Variants in TBL1X observed in about 807,000 individuals in gnomAD.
The protein encoded by TBL1X is F-box-like/WD repeat-containing protein TBL1X.
A neutral mutation model predicts 50.7 loss-of-function variants in TBL1X; 10 were observed. The observed-to-expected ratio is 0.20, with a 90% CI of 0.12 to 0.33. The LOEUF is 0.33. TBL1X is among the 10% of genes least tolerant of loss of function. TBL1X has a pLI of 1.00. For missense variants in TBL1X, 340 were observed against 504.4 expected, an observed-to-expected ratio of 0.67 and a Z score of 3.12; for synonymous variants, 190 against 214.7, an observed-to-expected ratio of 0.88 and a Z score of 1.01.
chrX:9,538,995 A>T (rs1436005033), intron 2 of TBL1X, among the ~76,000 whole-genome samples: 2 of 112,438 alleles, frequency 1.8e-5, no homozygotes, highest in African/African-American at 6.5e-5. Context: ...CACTCAGATA[A>T]CAGGACGGTT....
At chrX:9,562,166 A>G (rs1458192620) in intron 2 of TBL1X, among the ~76,000 whole-genome samples, 2 of 112,219 alleles carry the variant, frequency 1.8e-5, no homozygotes, top group African/African-American at 6.5e-5. Context: ...GATTATCTTC[A>G]TAAAGTTCAG....
intron 2 of TBL1X, among the ~76,000 whole-genome samples, chrX:9,513,327 C>T (rs2082066047): frequency 9.0e-6 from 1 of 110,792 alleles, no homozygotes; most frequent in South Asian, 3.9e-4. Flanking sequence ...AGCAGAAATT[C>T]CCCTCACGAG....
intron 5 of TBL1X, among the ~76,000 whole-genome samples, chrX:9,662,786 A>G (rs892806230): frequency 4.5e-5 from 5 of 111,445 alleles, no homozygotes; most frequent in Admixed American, 3.8e-4. Flanking sequence ...ACCCTGTCTC[A>G]ATAACAAAAA....
At chrX:9,593,904 A>G (rs2082515013) in intron 2 of TBL1X, among the ~76,000 whole-genome samples, 1 of 111,352 alleles carries the variant, frequency 9.0e-6, no homozygotes, top group South Asian at 3.8e-4. Context: ...CCTCCACTGC[A>G]AGGGGGAGAA....
chrX:9,554,129 C>T (rs1001090326), intron 2 of TBL1X, among the ~76,000 whole-genome samples: 1 of 112,448 alleles, frequency 8.9e-6, no homozygotes, highest in Non-Finnish European at 1.9e-5. Flanking sequence ...GATCCAGATG[C>T]CTTGGCCTCC....
At chrX:9,578,293 T>G (rs2082422957) in intron 2 of TBL1X, among the ~76,000 whole-genome samples, 2 of 111,305 alleles carry the variant, frequency 1.8e-5, no homozygotes, top group South Asian at 7.6e-4. Context: ...TGGAGTGCAG[T>G]GGCGCAATCA....
intron 2 of TBL1X, among the ~76,000 whole-genome samples, 156 bp downstream of exon 2, chrX:9,502,005 A>G (rs1215043399): frequency 8.9e-6 from 1 of 112,126 alleles, no homozygotes. Flanking sequence ...AATTTCCAGT[A>G]TGGTAGCCAT....
intron 2 of TBL1X, among the ~76,000 whole-genome samples, chrX:9,608,638 A>G (rs1048013923): frequency 7.1e-5 from 8 of 112,347 alleles, no homozygotes; most frequent in Non-Finnish European, 1.1e-4. Context: ...CCTTGAGGCA[A>G]TCTGTCTTGG....
chrX:9,491,336 A>ATTTTTTT, intron 1 of TBL1X, among the ~76,000 whole-genome samples: 1 of 25,304 alleles, frequency 4.0e-5, no homozygotes, highest in Non-Finnish European at 7.2e-5. Flanking sequence ...ATATATATAT[A>ATTTTTTT]TATTTTTTTT....
chrX:9,582,953 C>T (rs769593776), intron 2 of TBL1X, among the ~76,000 whole-genome samples: 1 of 112,745 alleles, frequency 8.9e-6, no homozygotes, highest in African/African-American at 3.2e-5. Flanking sequence ...AAGCAGATCT[C>T]AGACATCATG....
chrX:9,519,113 G>A (rs1034574891), intron 2 of TBL1X, among the ~76,000 whole-genome samples: 3 of 111,929 alleles, frequency 2.7e-5, no homozygotes, highest in African/African-American at 9.8e-5. Flanking sequence ...GAGATGCCGC[G>A]TGGTTTCTGT....
intron 3 of TBL1X, among the ~76,000 whole-genome samples, chrX:9,651,010 CCTTTT>C (rs2082830859): frequency 2.7e-5 from 2 of 75,463 alleles, no homozygotes; most frequent in African/African-American, 1.0e-4. Context: ...TAGCTGCCAG[CCTTTT>C]TTTTTTTTTT....
At chrX:9,665,524 TATATATATATATATAA>T (rs1374374271) in intron 5 of TBL1X, among the ~76,000 whole-genome samples, 15 of 53,019 alleles carry the variant, frequency 2.8e-4, no homozygotes, top group African/African-American at 1.1e-3. Flanking sequence ...TATATATATA[TATATATATATATATAA>T]AAGGCCTTGG....
chrX:9,693,059 A>C, intron 9 of TBL1X, 90 bp from the exon 10 acceptor site: 6 of 920,716 alleles, frequency 6.5e-6, no homozygotes, highest in Non-Finnish European at 7.9e-6. Flanking sequence ...GTTCCAGTGT[A>C]CCTGGATCCT....
At chrX:9,602,250 A>G (rs1374080452) in intron 2 of TBL1X, among the ~76,000 whole-genome samples, 8 of 111,836 alleles carry the variant, frequency 7.2e-5, no homozygotes, top group African/African-American at 2.6e-4. Context: ...TCAAGTTACC[A>G]TTAAGCCTCA....
intron 5 of TBL1X, among the ~76,000 whole-genome samples, chrX:9,671,220 T>C (rs961178807): frequency 2.7e-5 from 3 of 112,481 alleles, no homozygotes; most frequent in African/African-American, 9.7e-5. Context: ...GGAAAAGGCA[T>C]AAGGCACGAA....
At chrX:9,701,587 AAAAAAAAAAG>A (rs2083173098) in intron 12 of TBL1X, among the ~76,000 whole-genome samples, 1 of 107,643 alleles carries the variant, frequency 9.3e-6, no homozygotes, top group Non-Finnish European at 1.9e-5. Context: ...AAAAAAAAAA[AAAAAAAAAAG>A]AAGAAGAAAA....
rs1158693337 is a variant in TBL1X at position 9,718,520 on chromosome X, ACT to A, written c.*2277_*2278del. ...GAGGTGATGATTTCCCGTCCCAAGG[ACT>A]CTGTGAAGTTTAGAGTACAGTTTGT... On this transcript the variant is annotated 3_prime_UTR_variant, in exon 18 of 18. Coordinates refer to ENST00000645353, the MANE Select transcript of TBL1X (RefSeq NM_005647.4). 9.0e-6 allele frequency: 1 copy of A among 111,401 alleles called. No individual in the cohort carries two copies. Among genetic ancestry groups the A allele is most frequent in the Non-Finnish European group, 1.9e-5 (1 of 53,038 alleles). The allele number at this position is 111,401 out of a possible 1,213,427, so 9.2% of individuals were successfully genotyped here.
chrX:9,607,774 C>CT (rs998615265), intron 2 of TBL1X, among the ~76,000 whole-genome samples: 2 of 109,500 alleles, frequency 1.8e-5, no homozygotes, highest in Admixed American at 9.7e-5. Context: ...TTTCTTTTTT[C>CT]TTTTTTTTTC....
Sources: gnomAD v4.1 joint callset for allele counts (sites outside exome capture counted in the v4.1 genomes callset) on GRCh38, gnomAD v4.1.1 for gene constraint, MANE v1.5 for transcripts, NCBI Gene and HGNC (gene_info 2026-07-23, HGNC 2026-07-21) for gene names.